The following TNPO1 variants were observed in gnomAD, a reference collection of about 807,000 sequenced individuals.
TNPO1 encodes transportin-1.
Under a neutral mutation model 119.5 loss-of-function variants are expected in TNPO1, and 8 were observed. That is an observed-to-expected ratio of 0.07 (90% CI 0.04 to 0.12). TNPO1 has a LOEUF of 0.12. TNPO1 is among the 10% of genes least tolerant of loss of function. The pLI is 1.00. For synonymous variants in TNPO1, 362 were observed against 363.0 expected, an observed-to-expected ratio of 1.00 and a Z score of 0.03; for missense variants, 576 against 1,089.8, an observed-to-expected ratio of 0.53 and a Z score of 6.64.
At chr5:72,879,968 G>A (rs1342779623) in intron 9 of TNPO1, among the ~76,000 whole-genome samples, 2 of 152,006 alleles carry the variant, frequency 1.3e-5, no homozygotes, top group Non-Finnish European at 1.5e-5. Context: ...CAGGCAGATC[G>A]CTTGAGCTCA....
intron 1 of TNPO1, among the ~76,000 whole-genome samples, chr5:72,846,386 T>C (rs1745130815): frequency 8.8e-6 from 1 of 114,040 alleles, no homozygotes; most frequent in South Asian, 3.0e-4. Flanking sequence ...CATATTAATG[T>C]GTAAAAAACG....
intron 5 of TNPO1, among the ~76,000 whole-genome samples, chr5:72,863,494 T>G (rs765397182): frequency 5.3e-5 from 8 of 152,004 alleles, no homozygotes; most frequent in Non-Finnish European, 1.0e-4. Context: ...CTGTGGTGGC[T>G]CACACCTGTA....
intron 24 of TNPO1, among the ~76,000 whole-genome samples, chr5:72,907,449 G>A (rs1750251829): frequency 6.6e-6 from 1 of 152,116 alleles, no homozygotes; most frequent in African/African-American, 2.4e-5. Flanking sequence ...AGAGGCAGGA[G>A]AAAAGGGATT....
Position 72,911,461 on chromosome 5 carries a change from A to G in TNPO1, c.*2788A>G, listed in dbSNP as rs771926911. ...ATTGTTTCTTCCTAATTTATATTTC[A>G]GATACATAGTGTAGAACAGGAATTT... On this transcript the variant is annotated 3_prime_UTR_variant, in exon 25 of 25. Transcript: ENST00000337273. 2.0e-5 allele frequency: 3 copies of G among 152,436 alleles called. No individual in the cohort carries two copies. The highest frequency in any genetic ancestry group is 4.4e-5 in the Non-Finnish European group (3 of 67,918). 9.4% of individuals were successfully genotyped at this position (152,436 alleles called of 1,614,324 possible).
intron 3 of TNPO1, among the ~76,000 whole-genome samples, chr5:72,853,921 AAAAC>A (rs1157156076): frequency 6.6e-6 from 1 of 152,252 alleles, no homozygotes; most frequent in African/African-American, 2.4e-5. Flanking sequence ...TAATTTTTGT[AAAAC>A]AAAGGAAATC....
At chr5:72,848,744 T>C (rs1159365970) in intron 2 of TNPO1, among the ~76,000 whole-genome samples, 1 of 146,808 alleles carries the variant, frequency 6.8e-6, no homozygotes, top group East Asian at 2.0e-4. Context: ...GGCCACCGGC[T>C]TCCGGCGCGC....
chr5:72,905,081 C>T (rs1750048364), intron 23 of TNPO1, among the ~76,000 whole-genome samples: 1 of 152,160 alleles, frequency 6.6e-6, no homozygotes, highest in Admixed American at 6.5e-5. Context: ...CCTCCCACAA[C>T]ACGTGGGAAT....
At chr5:72,893,048 T>C in intron 15 of TNPO1, 91 bp from the exon 16 acceptor site, 2 of 929,978 alleles carry the variant, frequency 2.2e-6, no homozygotes, top group Non-Finnish European at 3.3e-6. Flanking sequence ...AGCTCATAAA[T>C]GATCAGGATC....
intron 18 of TNPO1, among the ~76,000 whole-genome samples, chr5:72,895,353 C>T (rs988228260): frequency 1.7e-4 from 8 of 48,292 alleles, no homozygotes; most frequent in South Asian, 5.1e-4. Context: ...AGTTGTCCCT[C>T]CTTTTTTTTT....
At chr5:72,905,187 GCTA>G in intron 23 of TNPO1, 113 bp from the exon 24 acceptor site, 1 of 767,982 alleles carries the variant, frequency 1.3e-6, no homozygotes. Flanking sequence ...TTTGAGAATT[GCTA>G]CTTTAAAATG....
chr5:72,857,093 A>G (rs968168481), intron 4 of TNPO1, among the ~76,000 whole-genome samples: 4 of 152,014 alleles, frequency 2.6e-5, no homozygotes, highest in Admixed American at 6.6e-5. Flanking sequence ...GCTGAGGCGG[A>G]TGGATCACCT....
At chr5:72,845,507 A>C (rs1007963200) in intron 1 of TNPO1, among the ~76,000 whole-genome samples, 2 of 152,180 alleles carry the variant, frequency 1.3e-5, no homozygotes, top group African/African-American at 4.8e-5. Context: ...CTGTATACTT[A>C]AAATGATAAA....
At position 72,910,845 on chromosome 5, in the gene TNPO1, TTCCTC is replaced by T. The variant is rs1750520179; in HGVS notation, c.*2174_*2178del. On this transcript the variant is annotated 3_prime_UTR_variant, in exon 25 of 25. Coordinates refer to ENST00000337273, the MANE Select transcript of TNPO1 (RefSeq NM_002270.4). ...TCTGTTTTTTAACGTTCTTTCACCT[TTCCTC>T]TACTTTGGCTTTGCAAATTTCAGTC... 6.6e-6 allele frequency: 1 copy of T among 152,098 alleles called. No homozygotes were observed. Among genetic ancestry groups the T allele is most frequent in the Non-Finnish European group, 1.5e-5 (1 of 67,966 alleles). The allele number at this position is 152,098 out of a possible 1,614,324, so 9.4% of individuals were successfully genotyped here.
chr5:72,869,062 A>C (rs1335961895), intron 6 of TNPO1, among the ~76,000 whole-genome samples: 5 of 152,198 alleles, frequency 3.3e-5, no homozygotes, highest in Non-Finnish European at 7.3e-5. Context: ...CAGCAAGGAA[A>C]GAGTTGTACA....
chr5:72,874,537 A>G (rs1277275400), intron 7 of TNPO1, among the ~76,000 whole-genome samples: 4 of 152,218 alleles, frequency 2.6e-5, no homozygotes, highest in Non-Finnish European at 4.4e-5. Flanking sequence ...GTTAATGGCA[A>G]TGCCTGCTGG....
intron 1 of TNPO1, among the ~76,000 whole-genome samples, chr5:72,827,274 A>G (rs1381187873): frequency 6.6e-6 from 1 of 152,232 alleles, no homozygotes; most frequent in Non-Finnish European, 1.5e-5. Flanking sequence ...GCAGGCACCC[A>G]TGTTAGGTAC....
intron 6 of TNPO1, among the ~76,000 whole-genome samples, chr5:72,866,363 G>A (rs954158688): frequency 3.3e-5 from 5 of 152,162 alleles, no homozygotes; most frequent in Non-Finnish European, 7.3e-5. Context: ...CTGGATAGGA[G>A]TTCACGTTTC....
Position 72,826,581 on chromosome 5 carries a change from TAGTA to T in TNPO1, c.15+9834_15+9837del, listed in dbSNP as rs148221656. Among the ~76,000 whole-genome samples, 807 of 152,328 alleles carry T rather than the reference TAGTA, an allele frequency of 5.3e-3. 4 individuals carry two copies. Among genetic ancestry groups the T allele is most frequent in the African/African-American group, 0.016 (673 of 41,570 alleles). On this transcript the variant is annotated intron_variant, in intron 1 of 24. Transcript: ENST00000337273. Reference sequence around the variant, plus strand: ...CAGAGCCTAGAATGTAGTAGACACTTAGTAAGTATTTGTTAAATGAATTGTTCGT... The same window carrying T: ...CAGAGCCTAGAATGTAGTAGACACTTAGTATTTGTTAAATGAATTGTTCGT...
At position 72,891,911 on chromosome 5, in the gene TNPO1, T is replaced by TA; in HGVS notation, c.1788+17dup. 1 of 1,588,280 alleles carries TA rather than the reference T, an allele frequency of 6.3e-7. No individual in the cohort carries two copies. Among genetic ancestry groups the TA allele is most frequent in the Non-Finnish European group, 8.6e-7 (1 of 1,163,368 alleles). On this transcript the variant is annotated intron_variant, in intron 15 of 24. Transcript: ENST00000337273. ...CTTTACTTGAGGTATGCAGGGCTAGTAATATTTAATCTGTTGCCAAGAACA... is the reference window on the plus strand; with the variant it reads ...CTTTACTTGAGGTATGCAGGGCTAGTAAATATTTAATCTGTTGCCAAGAACA...
Sources: allele counts gnomAD v4.1 joint callset (sites outside exome capture counted in the v4.1 genomes callset), GRCh38; gene constraint gnomAD v4.1.1; transcripts MANE v1.5; gene names NCBI Gene and HGNC (gene_info 2026-07-23, HGNC 2026-07-21).